ST3GAL2: variants seen among roughly 807,000 people sequenced by gnomAD.
ST3GAL2 encodes CMP-N-acetylneuraminate-beta-galactosamide-alpha-2,3-sialyltransferase 2.
ST3GAL2 carries 16 observed loss-of-function variants against 37.5 expected under a neutral mutation model. The ratio of observed to expected loss-of-function variants is 0.43; its 90% CI spans 0.29 to 0.65. ST3GAL2 has a LOEUF of 0.65. ST3GAL2 is among the 30% of genes least tolerant of loss of function. The probability of loss-of-function intolerance (pLI) is 0.17; values close to 1 mark genes in which losing one functional copy is unlikely to be tolerated. For missense variants in ST3GAL2, 383 were observed against 487.8 expected (o/e 0.79, Z 2.02); for synonymous variants, 238 against 202.9 (o/e 1.17, Z -1.47).
chr16:70,410,422 T>G (rs1253609850), intron 1 of ST3GAL2, among the ~76,000 whole-genome samples: 1 of 150,914 alleles, frequency 6.6e-6, no homozygotes, highest in African/African-American at 2.4e-5. Context: ...GGCTAATTTT[T>G]TTTTGTATTT....
intron 1 of ST3GAL2, among the ~76,000 whole-genome samples, chr16:70,407,598 T>C (rs2047601416): frequency 6.6e-6 from 1 of 152,164 alleles, no homozygotes; most frequent in African/African-American, 2.4e-5. Flanking sequence ...GCAAGGGCCT[T>C]GAAGACCCCG....
intron 5 of ST3GAL2, 22 bp from the exon 6 acceptor site, chr16:70,382,946 G>A (rs371399154): frequency 7.3e-5 from 117 of 1,609,946 alleles, no homozygotes; most frequent in Non-Finnish European, 9.6e-5. Context: ...AGGGATGACA[G>A]GTATATGAGG....
intron 3 of ST3GAL2, among the ~76,000 whole-genome samples, chr16:70,389,947 C>T (rs1041419039): frequency 3.3e-5 from 5 of 151,238 alleles, no homozygotes; most frequent in Admixed American, 6.6e-5. Context: ...CCATCACGCC[C>T]GGCTAATTGT....
intron 1 of ST3GAL2, among the ~76,000 whole-genome samples, chr16:70,435,897 G>A (rs1400625451): frequency 2.0e-5 from 3 of 151,416 alleles, no homozygotes; most frequent in Non-Finnish European, 3.0e-5. Context: ...AAGCTGAGGC[G>A]GGCGGAGCAC....
chr16:70,391,158 G>A (rs1253048420), intron 3 of ST3GAL2, among the ~76,000 whole-genome samples: 1 of 152,194 alleles, frequency 6.6e-6, no homozygotes, highest in Non-Finnish European at 1.5e-5. Flanking sequence ...GGACGGGACT[G>A]GGAAGGACCA....
intron 1 of ST3GAL2, among the ~76,000 whole-genome samples, chr16:70,427,398 G>A (rs956173207): frequency 3.3e-5 from 5 of 150,082 alleles, no homozygotes; most frequent in Non-Finnish European, 7.4e-5. Context: ...GAGTGCAGTG[G>A]TGCGATCTCG....
chr16:70,421,417 C>G (rs2047713625), intron 1 of ST3GAL2, among the ~76,000 whole-genome samples: 1 of 152,230 alleles, frequency 6.6e-6, no homozygotes, highest in Non-Finnish European at 1.5e-5. Flanking sequence ...TCCTCAAGGA[C>G]TGACCTGCCC....
At chr16:70,426,133 A>C (rs1204802415) in intron 1 of ST3GAL2, among the ~76,000 whole-genome samples, 1 of 149,162 alleles carries the variant, frequency 6.7e-6, no homozygotes, top group Non-Finnish European at 1.5e-5. Context: ...GGAAGTTAGG[A>C]TCCTACGTTC....
chr16:70,386,048 C>T (rs762150138), intron 4 of ST3GAL2, among the ~76,000 whole-genome samples: 14 of 151,842 alleles, frequency 9.2e-5, no homozygotes, highest in Non-Finnish European at 1.5e-4. Flanking sequence ...TTTTTTGAGA[C>T]GGAATCTCTG....
chr16:70,405,465 CG>C (rs2047584060), intron 1 of ST3GAL2, among the ~76,000 whole-genome samples: 1 of 148,550 alleles, frequency 6.7e-6, no homozygotes, highest in Admixed American at 6.8e-5. Context: ...GGCATGAACC[CG>C]GGAGGCGGAG....
At chr16:70,419,323 AT>A (rs1383382592) in intron 1 of ST3GAL2, among the ~76,000 whole-genome samples, 2 of 152,186 alleles carry the variant, frequency 1.3e-5, no homozygotes, top group Non-Finnish European at 2.9e-5. Flanking sequence ...TCCACCATCT[AT>A]CCCCAGATCC....
rs952890231 is a variant in ST3GAL2, at chr16:70,380,657, A to T, written c.*1032T>A. The T allele has an allele frequency of 6.6e-6, 1 of 152,412 alleles. No individual in the cohort carries two copies. Among genetic ancestry groups the T allele is most frequent in the African/African-American group, 2.4e-5 (1 of 41,478 alleles). 9.4% of individuals were successfully genotyped at this position (152,412 alleles called of 1,614,324 possible). A position where few individuals can be genotyped will look rare whatever the true frequency, so the allele number is the denominator to read the frequency against. On this transcript the variant is annotated 3_prime_UTR_variant, in exon 7 of 7. Transcript: ENST00000342907. ...CGAGCTCTGCCAGCTCAGAATTTGCAAAGAATCTGCGGTTTGGCCACCCAC... is the reference window on the plus strand; with the variant it reads ...CGAGCTCTGCCAGCTCAGAATTTGCTAAGAATCTGCGGTTTGGCCACCCAC...
intron 3 of ST3GAL2, 26 bp from the exon 4 acceptor site, chr16:70,388,572 G>C (rs1464547657): frequency 6.5e-7 from 1 of 1,537,714 alleles, no homozygotes; most frequent in Non-Finnish European, 8.8e-7. Flanking sequence ...GGTGACATGA[G>C]AATCAACTGC....
At chr16:70,410,180 A>AT (rs2047626734) in intron 1 of ST3GAL2, among the ~76,000 whole-genome samples, 1 of 83,366 alleles carries the variant, frequency 1.2e-5, no homozygotes, top group Admixed American at 1.2e-4. Context: ...TTTGTCTACT[A>AT]TTTTTTCTGT....
chr16:70,415,877 G>T (rs1191669159), intron 1 of ST3GAL2, among the ~76,000 whole-genome samples: 1 of 149,428 alleles, frequency 6.7e-6, no homozygotes, highest in Non-Finnish European at 1.5e-5. Flanking sequence ...CCGGGTTCAA[G>T]CGATTCTCCT....
At chr16:70,433,965 C>A (rs2047807642) in intron 1 of ST3GAL2, among the ~76,000 whole-genome samples, 1 of 152,194 alleles carries the variant, frequency 6.6e-6, no homozygotes, top group South Asian at 2.1e-4. Flanking sequence ...GAAACCTACC[C>A]TTAGAGGCCC....
chr16:70,414,078 T>C (rs1254764415), intron 1 of ST3GAL2, among the ~76,000 whole-genome samples: 1 of 152,234 alleles, frequency 6.6e-6, no homozygotes, highest in Non-Finnish European at 1.5e-5. Context: ...TTTATCTTTT[T>C]ATGTATTACT....
intron 2 of ST3GAL2, among the ~76,000 whole-genome samples, chr16:70,397,143 C>T (rs932634454): frequency 3.4e-5 from 5 of 148,350 alleles, no homozygotes; most frequent in African/African-American, 5.0e-5. Flanking sequence ...CAGGTTCAAG[C>T]GATTCTCCTG....
chr16:70,378,699 C>CAA lies in ST3GAL2; in HGVS notation c.*2988_*2989dup, dbSNP rs573703172. 54 of 90,402 alleles carry CAA rather than the reference C, an allele frequency of 6.0e-4. No homozygotes were observed. Among genetic ancestry groups the CAA allele is most frequent in the African/African-American group, 2.1e-3 (49 of 23,826 alleles). 5.6% of individuals were successfully genotyped at this position (90,402 alleles called of 1,614,324 possible). A position where few individuals can be genotyped will look rare whatever the true frequency, so the allele number is the denominator to read the frequency against. On this transcript the variant is annotated 3_prime_UTR_variant, in exon 7 of 7. Transcript: ENST00000342907. ...CCTGGGCGAGAGTGAGAATCAGTCT[C>CAA]AAAAAAAAAAAATCGGCCAGGCACA...
Sources: allele counts gnomAD v4.1 joint callset (sites outside exome capture counted in the v4.1 genomes callset), GRCh38; gene constraint gnomAD v4.1.1; transcripts MANE v1.5; gene names NCBI Gene and HGNC (gene_info 2026-07-23, HGNC 2026-07-21).